Variants in AOPEP observed in about 807,000 individuals in gnomAD.
AOPEP encodes aminopeptidase O.
In AOPEP, 77 loss-of-function variants were observed where a neutral mutation model predicts 98.1. The ratio of observed to expected loss-of-function variants is 0.78; its 90% confidence interval spans 0.65 to 0.95. AOPEP has a LOEUF of 0.95. Ranked by LOEUF, AOPEP falls within the 40% of genes least tolerant of loss-of-function variation. The pLI, the probability that AOPEP is intolerant of heterozygous loss-of-function variation, is 0.00. For missense variants in AOPEP, 1,024 were observed against 1,024.7 expected (o/e 1.00, Z 0.01); for synonymous variants, 346 against 365.3 (o/e 0.95, Z 0.60).
intron 5 of AOPEP, among the ~76,000 whole-genome samples, chr9:94,808,423 A>AG (rs1849737204): frequency 6.6e-6 from 1 of 151,528 alleles, no homozygotes. Context: ...AAAATGGATT[A>AG]CTTTTTTTTA....
At chr9:95,083,091 A>T in intron 16 of AOPEP, 1 of 214,824 alleles carries the variant, frequency 4.7e-6, no homozygotes, top group South Asian at 7.3e-5. Flanking sequence ...GCGCTGGTCC[A>T]GTCTTCAGGG....
chr9:94,912,933 A>G (rs1262507872), intron 5 of AOPEP, among the ~76,000 whole-genome samples: 6 of 152,216 alleles, frequency 3.9e-5, no homozygotes, highest in Admixed American at 3.9e-4. Flanking sequence ...CTCCAGTGAT[A>G]TTGTTTCAAG....
intron 5 of AOPEP, among the ~76,000 whole-genome samples, chr9:94,829,411 A>G (rs1855439886): frequency 1.3e-5 from 2 of 152,226 alleles, no homozygotes; most frequent in African/African-American, 4.8e-5. Context: ...ACCCAACTGC[A>G]GTTGTGGAAG....
intron 5 of AOPEP, among the ~76,000 whole-genome samples, chr9:94,801,870 A>G (rs1848283440): frequency 6.6e-6 from 1 of 152,226 alleles, no homozygotes; most frequent in South Asian, 2.1e-4. Flanking sequence ...ATTAATTCCC[A>G]TGCTTTTGAG....
chr9:94,916,931 A>G (rs969021898), intron 5 of AOPEP, among the ~76,000 whole-genome samples: 1 of 152,194 alleles, frequency 6.6e-6, no homozygotes, highest in African/African-American at 2.4e-5. Context: ...TGTCACATTG[A>G]GAGAGGGAAA....
chr9:95,119,464 C>G, the AOPEP span, among the ~76,000 whole-genome samples: 2 of 151,264 alleles, frequency 1.3e-5, no homozygotes, highest in African/African-American at 4.9e-5. Flanking sequence ...CTCCCAGGTT[C>G]AAGCGATTCT....
At chr9:94,982,564 A>AATTT (rs1564480333) in intron 11 of AOPEP, among the ~76,000 whole-genome samples, 13 of 140,128 alleles carry the variant, frequency 9.3e-5, no homozygotes, top group African/African-American at 3.7e-4. Context: ...CAAGAGCAAT[A>AATTT]CTTTTTTTTT....
chr9:94,899,179 C>T (rs1274216751), intron 5 of AOPEP, among the ~76,000 whole-genome samples: 20 of 59,736 alleles, frequency 3.3e-4, no homozygotes, highest in East Asian at 1.1e-3. Flanking sequence ...TCTTCATTTG[C>T]TTTTTTTTTT....
intron 11 of AOPEP, among the ~76,000 whole-genome samples, chr9:94,994,922 T>A (rs1361181017): frequency 6.6e-6 from 1 of 152,048 alleles, no homozygotes; most frequent in African/African-American, 2.4e-5. Context: ...CTGCACTCTA[T>A]CCCGGGCAAC....
intron 5 of AOPEP, among the ~76,000 whole-genome samples, chr9:94,888,247 A>T (rs1298287847): frequency 6.6e-6 from 1 of 151,662 alleles, no homozygotes; most frequent in African/African-American, 2.4e-5. Context: ...ACCTCAAGTG[A>T]TGTGAATCCA....
intron 13 of AOPEP, among the ~76,000 whole-genome samples, chr9:95,028,600 G>C (rs1234894913): frequency 1.3e-5 from 2 of 152,206 alleles, no homozygotes; most frequent in Non-Finnish European, 2.9e-5. Context: ...ATTTTTCCAA[G>C]AGTTACTTGC....
intron 7 of AOPEP, among the ~76,000 whole-genome samples, chr9:94,948,117 C>T (rs542546427): frequency 2.0e-5 from 3 of 152,284 alleles, no homozygotes; most frequent in Admixed American, 6.5e-5. Context: ...GTTCAGCCTG[C>T]GGTTGCTGTT....
the AOPEP span, chr9:95,150,042 T>G: frequency 6.2e-7 from 1 of 1,614,084 alleles, no homozygotes; most frequent in Non-Finnish European, 8.5e-7. Flanking sequence ...GGGTAATAAG[T>G]GGGACACAAA....
At chr9:94,859,731 G>A (rs1369933643) in intron 5 of AOPEP, among the ~76,000 whole-genome samples, 1 of 152,192 alleles carries the variant, frequency 6.6e-6, no homozygotes, top group African/African-American at 2.4e-5. Context: ...TTTGGGGTCA[G>A]CTAACCTGTG....
chr9:95,063,414 T>A (rs1564591063), intron 14 of AOPEP, among the ~76,000 whole-genome samples: 1 of 152,182 alleles, frequency 6.6e-6, no homozygotes, highest in Non-Finnish European at 1.5e-5. Flanking sequence ...GCAGCATCTC[T>A]GCAGGCTCCA....
At chr9:95,036,086 G>A (rs946724065) in intron 13 of AOPEP, among the ~76,000 whole-genome samples, 2 of 152,102 alleles carry the variant, frequency 1.3e-5, no homozygotes, top group South Asian at 2.1e-4. Flanking sequence ...GATTTTTGCT[G>A]TCTAGTGATT....
chr9:94,881,883 T>C (rs962171388), intron 5 of AOPEP, among the ~76,000 whole-genome samples: 3 of 152,242 alleles, frequency 2.0e-5, no homozygotes, highest in African/African-American at 7.2e-5. Context: ...GAGGGGGTTT[T>C]GGAGGGGTCT....
intron 1 of AOPEP, among the ~76,000 whole-genome samples, chr9:94,735,377 C>T (rs547348276): frequency 3.9e-5 from 6 of 152,284 alleles, no homozygotes; most frequent in Admixed American, 6.5e-5. Context: ...CTCACCACCA[C>T]GCCCGGCTAA....
chr9:94,793,033 C>T, intron 4 of AOPEP, 115 bp downstream of exon 4: 4 of 1,178,256 alleles, frequency 3.4e-6, no homozygotes, highest in Non-Finnish European at 4.8e-6. Context: ...GAAACTAAAC[C>T]AAAATAGGAT....
Sources: gnomAD v4.1 joint callset for allele counts (sites outside exome capture counted in the v4.1 genomes callset) on GRCh38, gnomAD v4.1.1 for gene constraint, MANE v1.5 for transcripts, NCBI Gene and HGNC (gene_info 2026-07-23, HGNC 2026-07-21) for gene names.